The following ERI1 variants were observed in gnomAD, a reference collection of about 807,000 sequenced individuals.
ERI1 encodes the protein 3'-5' exoribonuclease 1.
ERI1 carries 39 observed loss-of-function variants against 39.7 expected under a neutral mutation model. The ratio of observed to expected loss-of-function variants is 0.98; its 90% CI spans 0.76 to 1.28. The LOEUF (loss-of-function observed/expected upper bound fraction) is 1.28. Ranked by LOEUF, ERI1 falls within the 50% of genes most tolerant of loss-of-function variation. The pLI, the probability that ERI1 is intolerant of heterozygous loss-of-function variation, is 0.00. For synonymous variants in ERI1, 204 were observed against 149.6 expected (o/e 1.36, Z -2.65); for missense variants, 581 against 416.9 (o/e 1.39, Z -3.43).
At chr8:9,078,311 A>T (rs1799269385) in intron 3 of ERI1, among the ~76,000 whole-genome samples, 1 of 151,636 alleles carries the variant, frequency 6.6e-6, no homozygotes, top group Non-Finnish European at 1.5e-5. Flanking sequence ...GTTTTTTCTA[A>T]TTAGGTATCT....
intron 1 of ERI1, among the ~76,000 whole-genome samples, chr8:9,005,017 A>G (rs968473625): frequency 5.3e-5 from 8 of 152,156 alleles, no homozygotes; most frequent in Non-Finnish European, 5.9e-5. Flanking sequence ...ATCTGGGCCA[A>G]AGTTTTTTGT....
At chr8:9,067,501 A>G (rs1323070068) in intron 3 of ERI1, among the ~76,000 whole-genome samples, 1 of 151,974 alleles carries the variant, frequency 6.6e-6, no homozygotes, top group Non-Finnish European at 1.5e-5. Flanking sequence ...CAAAAGATGC[A>G]AAAATTAGCT....
At position 9,002,897 on chromosome 8, in the gene ERI1, A is replaced by G. The variant is rs1297031408; in HGVS notation, c.-167A>G. On this transcript the variant is annotated 5_prime_UTR_variant, in exon 1 of 7. Transcript: ENST00000250263. ...TGCGCCTGCCCGGCGTGTGGACGCC[A>G]CACGCTCCCGGAAGTGGGAGGTGGC... 4.5e-6 allele frequency: 2 copies of G among 440,852 alleles called. No homozygotes were observed. Among genetic ancestry groups the G allele is most frequent in the African/African-American group, 2.0e-5 (1 of 49,482 alleles). The allele number at this position is 440,852 out of a possible 1,614,324, so 27.3% of individuals were successfully genotyped here. A position where few individuals can be genotyped will look rare whatever the true frequency, so the allele number is the denominator to read the frequency against.
intron 2 of ERI1, among the ~76,000 whole-genome samples, chr8:9,010,452 A>C (rs1313974876): frequency 1.3e-5 from 2 of 152,248 alleles, no homozygotes; most frequent in Non-Finnish European, 2.9e-5. Flanking sequence ...AAGCAAAGAA[A>C]CAATATTAAG....
chr8:9,018,814 T>C (rs1817580994), intron 5 of ERI1, among the ~76,000 whole-genome samples: 1 of 152,004 alleles, frequency 6.6e-6, no homozygotes, highest in Admixed American at 6.5e-5. Context: ...GGTTTACCCT[T>C]TCTCTGTGTA....
intron 3 of ERI1, among the ~76,000 whole-genome samples, chr8:9,013,416 A>C (rs971805881): frequency 6.7e-6 from 1 of 149,362 alleles, no homozygotes; most frequent in African/African-American, 2.5e-5. Flanking sequence ...GTTCTGCTTG[A>C]TTTTTCTCCA....
At chr8:9,058,132 G>C (rs928542740) in intron 3 of ERI1, among the ~76,000 whole-genome samples, 1 of 152,206 alleles carries the variant, frequency 6.6e-6, no homozygotes, top group African/African-American at 2.4e-5. Context: ...GGGGGTCAAA[G>C]GCAGGAGCTG....
At chr8:9,085,908 G>A (rs770995935) in intron 3 of ERI1, among the ~76,000 whole-genome samples, 6 of 152,108 alleles carry the variant, frequency 3.9e-5, no homozygotes, top group Non-Finnish European at 7.4e-5. Context: ...GACAAATTTA[G>A]CAAACTCTTA....
At chr8:9,034,052 A>G (rs1046861525), downstream of ERI1, among the ~76,000 whole-genome samples, 5 of 152,244 alleles carry the variant, frequency 3.3e-5, no homozygotes, top group East Asian at 3.8e-4. Flanking sequence ...AATTTCCTCC[A>G]TGTTCTTGAG....
At chr8:9,039,195 G>A (rs1441661788) in intron 3 of ERI1, among the ~76,000 whole-genome samples, 1 of 152,102 alleles carries the variant, frequency 6.6e-6, no homozygotes, top group Non-Finnish European at 1.5e-5. Flanking sequence ...TATTCATAAA[G>A]GGTTGGGAAA....
downstream of ERI1, among the ~76,000 whole-genome samples, chr8:9,036,014 A>G (rs920281499): frequency 3.9e-5 from 6 of 152,342 alleles, no homozygotes; most frequent in African/African-American, 1.2e-4. Flanking sequence ...AGAAGTGAAG[A>G]TGTGACTGAA....
chr8:9,008,842 T>C (rs932713314), intron 2 of ERI1, among the ~76,000 whole-genome samples: 2 of 152,254 alleles, frequency 1.3e-5, no homozygotes, highest in Non-Finnish European at 2.9e-5. Context: ...ATTGCCTGTA[T>C]GAAATAGGTA....
intron 3 of ERI1, among the ~76,000 whole-genome samples, chr8:9,061,122 G>A (rs1304756992): frequency 6.6e-6 from 1 of 152,226 alleles, no homozygotes; most frequent in Non-Finnish European, 1.5e-5. Context: ...AGTGATAGAT[G>A]TGGAAGATAC....
At position 9,030,292 on chromosome 8, in the gene ERI1, T is replaced by C. The variant is rs1273821515; in HGVS notation, c.*258T>C. On this transcript the variant is annotated 3_prime_UTR_variant, in exon 7 of 7. Transcript: ENST00000250263. ...CCTGCTTACAACTGAATTTTATAAT[T>C]TAAGGTGTTCAAGATATATTCTTTT... is the stretch of plus-strand genomic sequence containing the variant. 2.2e-6 allele frequency: 1 copy of C among 457,640 alleles called. No individual in the cohort carries two copies. Among genetic ancestry groups the C allele is most frequent in the Non-Finnish European group, 3.9e-6 (1 of 255,260 alleles). 28.3% of individuals were successfully genotyped at this position (457,640 alleles called of 1,614,324 possible). A position where few individuals can be genotyped will look rare whatever the true frequency, so the allele number is the denominator to read the frequency against.
chr8:9,096,381 T>A (rs1799877956), intron 3 of ERI1, among the ~76,000 whole-genome samples: 1 of 152,198 alleles, frequency 6.6e-6, no homozygotes, highest in Admixed American at 6.5e-5. Context: ...TGAGGACACC[T>A]ACCCTTGGTT....
At chr8:9,013,521 C>T (rs1000196375) in intron 3 of ERI1, among the ~76,000 whole-genome samples, 2 of 151,952 alleles carry the variant, frequency 1.3e-5, no homozygotes, top group African/African-American at 2.4e-5. Context: ...CAATCCTAGC[C>T]CCCGTTCTCT....
At chr8:9,017,767 G>C (rs927344059) in intron 4 of ERI1, among the ~76,000 whole-genome samples, 1 of 152,180 alleles carries the variant, frequency 6.6e-6, no homozygotes, top group African/African-American at 2.4e-5. Context: ...CAGATAGGCA[G>C]AGGCAATCCA....
intron 6 of ERI1, among the ~76,000 whole-genome samples, chr8:9,028,225 C>T (rs942021044): frequency 6.6e-6 from 1 of 152,208 alleles, no homozygotes; most frequent in African/African-American, 2.4e-5. Flanking sequence ...TAGAGGTTTT[C>T]AGTTACTGAT....
chr8:9,069,274 G>A (rs1256147845), intron 3 of ERI1, among the ~76,000 whole-genome samples: 1 of 152,146 alleles, frequency 6.6e-6, no homozygotes, highest in African/African-American at 2.4e-5. Context: ...CTCTGAAGCT[G>A]GGTATGATAG....
Sources: allele counts gnomAD v4.1 joint callset (sites outside exome capture counted in the v4.1 genomes callset), GRCh38; gene constraint gnomAD v4.1.1; transcripts MANE v1.5; gene names NCBI Gene and HGNC (gene_info 2026-07-23, HGNC 2026-07-21).